BABAM2: variants seen among roughly 807,000 people sequenced by gnomAD.
BABAM2 encodes BRISC and BRCA1 A complex member 2.
Under a neutral mutation model 54.7 loss-of-function variants are expected in BABAM2, and 31 were observed. The ratio of observed to expected loss-of-function variants is 0.57; its 90% CI spans 0.43 to 0.77. The LOEUF (loss-of-function observed/expected upper bound fraction) is 0.77. Among genes scored for constraint, BABAM2 ranks in the 30% least tolerant of loss-of-function variants. The probability of loss-of-function intolerance (pLI) is 0.00; values close to 1 mark genes in which losing one functional copy is unlikely to be tolerated. For missense variants in BABAM2, 364 were observed against 455.8 expected (o/e 0.80, Z 1.83); for synonymous variants, 167 against 162.9 (o/e 1.03, Z -0.19).
At chr2:28,108,932 C>G (rs1415564339) in intron 6 of BABAM2, among the ~76,000 whole-genome samples, 1 of 152,058 alleles carries the variant, frequency 6.6e-6, no homozygotes, top group East Asian at 1.9e-4. Flanking sequence ...CTTCCGTTAT[C>G]TCAGTTCTGG....
At position 28,254,079 on chromosome 2, in the gene BABAM2, A is replaced by T. The variant is rs187839245; in HGVS notation, c.934+9217A>T. Among the ~76,000 whole-genome samples, 218 of 152,336 alleles carry T rather than the reference A, an allele frequency of 1.4e-3. 1 individual carries two copies. The highest frequency in any genetic ancestry group is 2.4e-3 in the Non-Finnish European group (164 of 68,020). ...TGTCATACAAAGTTCATGTTAACCT[A>T]CAAGGTCAAATGCCTCCTGAGAAAG... On this transcript the variant is annotated intron_variant, in intron 10 of 11. Transcript: ENST00000379624.
intron 11 of BABAM2, among the ~76,000 whole-genome samples, chr2:28,334,447 C>G (rs1691242988): frequency 6.6e-6 from 1 of 152,272 alleles, no homozygotes; most frequent in African/African-American, 2.4e-5. Flanking sequence ...TAGTGCAGCT[C>G]AGCTGCAGCC....
At chr2:28,085,761 G>T (rs528552553) in intron 6 of BABAM2, among the ~76,000 whole-genome samples, 78 of 152,146 alleles carry the variant, frequency 5.1e-4, no homozygotes, top group Admixed American at 1.1e-3. Context: ...TACACTACTT[G>T]TAATTATTTG....
intron 5 of BABAM2, among the ~76,000 whole-genome samples, chr2:28,035,146 T>C (rs1676573267): frequency 1.3e-5 from 2 of 152,200 alleles, no homozygotes; most frequent in South Asian, 4.1e-4. Context: ...GGATGTATTA[T>C]TAGCTTTTCA....
chr2:28,142,736 T>C (rs1671168824), intron 7 of BABAM2, among the ~76,000 whole-genome samples: 1 of 152,212 alleles, frequency 6.6e-6, no homozygotes, highest in South Asian at 2.1e-4. Context: ...ACTTTAACTT[T>C]GTCAGAGTTT....
chr2:28,173,835 C>T lies in BABAM2; in HGVS notation c.680+44455C>T, dbSNP rs150717651. 6.1e-3 allele frequency among the ~76,000 whole-genome samples: 925 copies of T among 152,298 alleles called. 5 individuals are homozygous for T. Among genetic ancestry groups the T allele is most frequent in the South Asian group, 0.012 (58 of 4,826 alleles). On this transcript the variant is annotated intron_variant, in intron 7 of 11. Coordinates refer to ENST00000379624, the MANE Select transcript of BABAM2 (RefSeq NM_199191.3). ...AGTGAAAAGTCCTGATAGCTTAAAG[C>T]ATTCAATAGTACAGGTTGGTACATG...
intron 2 of BABAM2, among the ~76,000 whole-genome samples, chr2:27,928,379 A>C (rs1667861813): frequency 6.6e-6 from 1 of 151,408 alleles, no homozygotes; most frequent in African/African-American, 2.4e-5. Context: ...TGAACTCCTG[A>C]CCTCCAGTGA....
chr2:28,194,648 C>A (rs190576991), intron 7 of BABAM2, among the ~76,000 whole-genome samples: 88 of 129,328 alleles, frequency 6.8e-4, no homozygotes, highest in African/African-American at 2.5e-3. Context: ...GTGGCACGAT[C>A]TCGGCTCATT....
At chr2:28,258,497 G>C (rs1377795386) in intron 10 of BABAM2, among the ~76,000 whole-genome samples, 1 of 151,770 alleles carries the variant, frequency 6.6e-6, no homozygotes, top group Non-Finnish European at 1.5e-5. Flanking sequence ...CCTTATTGTG[G>C]CTTCAATTTG....
chr2:28,261,575 T>C (rs1684539518), intron 10 of BABAM2, among the ~76,000 whole-genome samples: 1 of 152,048 alleles, frequency 6.6e-6, no homozygotes, highest in Non-Finnish European at 1.5e-5. Flanking sequence ...CCTGATCTTA[T>C]GATCTGCCCA....
chr2:28,236,132 C>T (rs1385383143), intron 7 of BABAM2, among the ~76,000 whole-genome samples: 1 of 151,918 alleles, frequency 6.6e-6, no homozygotes, highest in Non-Finnish European at 1.5e-5. Context: ...TTAAAAATAT[C>T]CCATCATATT....
intron 7 of BABAM2, among the ~76,000 whole-genome samples, chr2:28,174,423 G>A (rs1009202630): frequency 3.3e-5 from 5 of 152,214 alleles, no homozygotes; most frequent in Non-Finnish European, 5.9e-5. Context: ...CCACAAAGAG[G>A]AACCAAAATA....
At chr2:28,168,992 C>G (rs1674027349) in intron 7 of BABAM2, among the ~76,000 whole-genome samples, 1 of 152,202 alleles carries the variant, frequency 6.6e-6, no homozygotes, top group African/African-American at 2.4e-5. Flanking sequence ...AGCTTCTCAG[C>G]AAGCTGATGA....
chr2:28,026,800 TAA>T (rs562118587), intron 5 of BABAM2, among the ~76,000 whole-genome samples: 1 of 91,314 alleles, frequency 1.1e-5, no homozygotes, highest in East Asian at 2.4e-4. Flanking sequence ...TATATTTATA[TAA>T]AAAATATATA....
At chr2:27,891,251 T>C (rs1664815430) in intron 1 of BABAM2, among the ~76,000 whole-genome samples, 1 of 152,188 alleles carries the variant, frequency 6.6e-6, no homozygotes, top group Admixed American at 6.5e-5. Flanking sequence ...ACTTCCCTCG[T>C]GCGCTGTATG....
intron 3 of BABAM2, among the ~76,000 whole-genome samples, chr2:27,983,953 T>G (rs1672209803): frequency 1.4e-5 from 2 of 139,922 alleles, no homozygotes; most frequent in South Asian, 4.7e-4. Context: ...TTTTTTTTTT[T>G]TTTTTTTTGC....
At chr2:28,049,550 A>G (rs4455115) in intron 6 of BABAM2, among the ~76,000 whole-genome samples, 1 of 151,812 alleles carries the variant, frequency 6.6e-6, no homozygotes, top group Non-Finnish European at 1.5e-5. Context: ...GATTGCATGT[A>G]GAAATTTAGT....
intron 4 of BABAM2, among the ~76,000 whole-genome samples, 170 bp from the exon 5 acceptor site, chr2:28,025,056 A>G (rs896867956): frequency 1.3e-5 from 2 of 152,184 alleles, no homozygotes; most frequent in Non-Finnish European, 2.9e-5. Flanking sequence ...GAAATTGCCA[A>G]TATCAAAAGA....
intron 11 of BABAM2, among the ~76,000 whole-genome samples, chr2:28,333,367 C>T (rs1221418376): frequency 6.6e-6 from 1 of 152,150 alleles, no homozygotes; most frequent in Non-Finnish European, 1.5e-5. Flanking sequence ...GGCCTTAGGA[C>T]CCTCAGTTAT....
Sources: allele counts gnomAD v4.1 joint callset (sites outside exome capture counted in the v4.1 genomes callset), GRCh38; gene constraint gnomAD v4.1.1; transcripts MANE v1.5; gene names NCBI Gene and HGNC (gene_info 2026-07-23, HGNC 2026-07-21).